The following ZNF805 variants were observed in gnomAD, a reference collection of about 807,000 sequenced individuals.
The protein encoded by ZNF805 is CTC-444N24.8.
ZNF805 carries 7 observed loss-of-function variants against 13.6 expected under a neutral mutation model. The ratio of observed to expected loss-of-function variants is 0.51; its 90% confidence interval spans 0.29 to 0.97. ZNF805 has a LOEUF of 0.97. ZNF805 is among the 50% of genes least tolerant of loss of function. ZNF805 has a pLI of 0.08. For missense variants in ZNF805, 604 were observed against 771.0 expected, an observed-to-expected ratio of 0.78 and a Z score of 2.57; for synonymous variants, 293 against 279.8, an observed-to-expected ratio of 1.05 and a Z score of -0.47.
chr19:57,240,912 C>G lies in ZNF805; in HGVS notation c.21C>G (p.Asp7Glu), dbSNP rs1599982952. The G allele has an allele frequency of 6.4e-7, 1 of 1,558,946 alleles. No homozygotes were observed. The highest frequency in any genetic ancestry group is 2.4e-5 in the East Asian group (1 of 41,180). ...CCGGTATGGCGATGGCTTTGACGGA[C>G]CCGGCGCAGGTGAGTGGACAAGGTT... MAMALT[D>E]PAQVSVTFDD... Residue 7 changes from aspartate to glutamate, a missense_variant, in exon 1 of 4, where the codon GAC becomes GAG. Physicochemically the swap from Asp to Glu is conservative, Grantham distance 45. This residue lies in a region of ZNF805 where 327 missense variants were observed against 378.2 expected (regional missense o/e 0.86). Coordinates refer to ENST00000414468, the MANE Select transcript of ZNF805 (RefSeq NM_001023563.4).
At chr19:57,240,974 T>C (rs1395688011) in intron 1 of ZNF805, 53 bp downstream of exon 1, 41 of 1,542,382 alleles carry the variant, frequency 2.7e-5, no homozygotes, top group Non-Finnish European at 3.5e-5. Flanking sequence ...CGGGGAAGCC[T>C]CCTGGGCAGG....
intron 2 of ZNF805, among the ~76,000 whole-genome samples, chr19:57,245,522 G>A (rs916961165): frequency 3.9e-5 from 6 of 152,106 alleles, no homozygotes; most frequent in African/African-American, 1.2e-4. Context: ...GCTCATGCCT[G>A]TAATCCCAGC....
At chr19:57,248,433 G>T (rs970146991) in intron 2 of ZNF805, among the ~76,000 whole-genome samples, 172 bp from the exon 3 acceptor site, 5 of 152,190 alleles carry the variant, frequency 3.3e-5, no homozygotes, top group African/African-American at 9.7e-5. Context: ...TTCTGTGGCA[G>T]CATGACATGC....
Position 57,260,507 on chromosome 19 carries a change from A to G in ZNF805, c.*5804A>G, listed in dbSNP as rs2087717844. On this transcript the variant is annotated 3_prime_UTR_variant, in exon 4 of 4. Transcript: ENST00000414468. The stretch of plus-strand genomic sequence containing the variant: ...CCCCTCACTCTCTTTTTGGACCTCC[A>G]TACTGCTAAATCTCTGACTTGAAGG... Among the ~76,000 whole-genome samples the G allele has an allele frequency of 6.6e-6, 1 of 152,078 alleles. No individual in the cohort carries two copies. Among genetic ancestry groups the G allele is most frequent in the Admixed American group, 6.6e-5 (1 of 15,258 alleles).
chr19:57,245,685 A>G (rs902979610), intron 2 of ZNF805, among the ~76,000 whole-genome samples: 7 of 151,648 alleles, frequency 4.6e-5, no homozygotes, highest in Non-Finnish European at 8.8e-5. Flanking sequence ...AGGCTGAGGC[A>G]GGAGAATGGC....
rs958548476 is a variant in ZNF805 at position 57,257,418 on chromosome 19, A to G, written c.*2715A>G. ...TAAGTTCTATCAGTTTTTGCTCCAC[A>G]TAATTTAAAGCTCTGTTGTTTGGTA... On this transcript the variant is annotated 3_prime_UTR_variant, in exon 4 of 4. Transcript: ENST00000414468. Among the ~76,000 whole-genome samples, 6 of 152,128 alleles carry G rather than the reference A, an allele frequency of 3.9e-5. No individual in the cohort carries two copies. Among genetic ancestry groups the G allele is most frequent in the Non-Finnish European group, 2.9e-5 (2 of 68,018 alleles).
At chr19:57,240,961 G>T in intron 1 of ZNF805, 40 bp downstream of exon 1, 1 of 1,551,364 alleles carries the variant, frequency 6.4e-7, no homozygotes, top group Non-Finnish European at 8.7e-7. Context: ...TTTTCTGCTA[G>T]TTCGGGGAAG....
rs2087660175 is a variant in ZNF805, at chr19:57,252,939, G to A, written c.254-134G>A. Reference sequence around the variant, plus strand: ...AATAAAAGAAACAAATTATAGATCTGGGGTTCAAGATGGCAAAATATAACA... The same window carrying A: ...AATAAAAGAAACAAATTATAGATCTAGGGTTCAAGATGGCAAAATATAACA... On this transcript the variant is annotated intron_variant, in intron 3 of 3. Transcript: ENST00000414468. The A allele has an allele frequency of 2.0e-5, 14 of 700,122 alleles. No homozygotes were observed. In the South Asian group the frequency reaches 6.6e-4, roughly 33 times the overall value. 43.4% of individuals were successfully genotyped at this position (700,122 alleles called of 1,614,324 possible). A position where few individuals can be genotyped will look rare whatever the true frequency, so the allele number is the denominator to read the frequency against.
At chr19:57,243,881 T>C (rs1479368270) in intron 1 of ZNF805, 42 bp from the exon 2 acceptor site, 7 of 1,613,916 alleles carry the variant, frequency 4.3e-6, no homozygotes, top group Non-Finnish European at 5.1e-6. Flanking sequence ...GCACATGCAA[T>C]AGTCCCACAG....
Position 57,259,672 on chromosome 19 carries a change from A to G in ZNF805, c.*4969A>G, listed in dbSNP as rs1452967202. Reference sequence around the variant, plus strand: ...CAGGTGCCCGCCACCATGCCCGGCTAATTTTTTGTATTTTTAGTAGAGACG... The same window carrying G: ...CAGGTGCCCGCCACCATGCCCGGCTGATTTTTTGTATTTTTAGTAGAGACG... On this transcript the variant is annotated 3_prime_UTR_variant, in exon 4 of 4. Transcript: ENST00000414468. Among the ~76,000 whole-genome samples, 1 of 151,906 alleles carries G rather than the reference A, an allele frequency of 6.6e-6. No homozygotes were observed. The highest frequency in any genetic ancestry group is 1.5e-5 in the Non-Finnish European group (1 of 67,976).
chr19:57,260,785 C>T lies in ZNF805; in HGVS notation c.*6082C>T, dbSNP rs1046257876. ...TTAACCACTGGTCATCCTTCCACAC[C>T]TTTTCTGTATTTGCACTCACTGAGC... On this transcript the variant is annotated 3_prime_UTR_variant, in exon 4 of 4. Transcript: ENST00000414468. Among the ~76,000 whole-genome samples the T allele has an allele frequency of 9.9e-5, 15 of 152,154 alleles. No homozygotes were observed. Among genetic ancestry groups the T allele is most frequent in the African/African-American group, 3.6e-4 (15 of 41,424 alleles).
intron 2 of ZNF805, among the ~76,000 whole-genome samples, chr19:57,246,959 A>G (rs2087622948): frequency 1.3e-5 from 2 of 152,088 alleles, no homozygotes; most frequent in South Asian, 4.1e-4. Flanking sequence ...CTTACTCAGC[A>G]CAGATGAAAC....
Position 57,240,917 on chromosome 19 carries a change from C to G in ZNF805, c.26C>G (p.Ala9Gly). Reference protein sequence around the residue: MAMALTDPAQVSVTFDDVA... With the variant: MAMALTDPGQVSVTFDDVA... ...ATGGCGATGGCTTTGACGGACCCGG[C>G]GCAGGTGAGTGGACAAGGTTTCGGC... is the stretch of plus-strand genomic sequence containing the variant. Residue 9 changes from alanine to glycine, a missense_variant, in exon 1 of 4, where the codon GCG becomes GGG. Ala to Gly is a moderately conservative substitution (Grantham distance 60). Transcript: ENST00000414468. 6.4e-7 allele frequency: 1 copy of G among 1,559,374 alleles called. No homozygotes were observed. The highest frequency in any genetic ancestry group is 8.7e-7 in the Non-Finnish European group (1 of 1,151,986).
At chr19:57,243,784 C>T (rs1472531492) in intron 1 of ZNF805, 139 bp from the exon 2 acceptor site, 2 of 1,194,254 alleles carry the variant, frequency 1.7e-6, no homozygotes, top group Admixed American at 2.1e-5. Context: ...CAATGTCTGC[C>T]TTCCTCCTTC....
chr19:57,254,196 G>A lies in ZNF805; in HGVS notation c.1377G>A (p.Glu459=), dbSNP rs779209427. Residue 459 remains glutamate (E), a synonymous_variant, in exon 4 of 4, where the codon GAG becomes GAA. Coordinates refer to ENST00000414468, the MANE Select transcript of ZNF805 (RefSeq NM_001023563.4). ...GAGAAAAACCTTTCGAGTGCAAAGA[G>A]TGTGGGAAAGCCTTTAGCAATAGGG... The part of the protein sequence containing the change: ...HTGEKPFECK[E]CGKAFSNRAD... 10 of 1,612,536 alleles carry A rather than the reference G, an allele frequency of 6.2e-6. No homozygotes were observed. In the Middle Eastern group the frequency reaches 9.9e-4, roughly 160 times the overall value.
chr19:57,244,199 CTTTTTTTTTTT>C, intron 2 of ZNF805, 150 bp downstream of exon 2: 1 of 290,936 alleles, frequency 3.4e-6, no homozygotes. Flanking sequence ...TCACCTCTTC[CTTTTTTTTTTT>C]TTTTTTTTTT....
In ZNF805 at chr19:57,262,509, C is replaced by G. The variant is rs2087730783; in HGVS notation, c.*7806C>G. 6.0e-6 allele frequency: 1 copy of G among 167,176 alleles called. No individual in the cohort carries two copies. The highest frequency in any genetic ancestry group is 1.5e-5 in the Non-Finnish European group (1 of 68,110). 10.4% of individuals were successfully genotyped at this position (167,176 alleles called of 1,614,324 possible). On this transcript the variant is annotated 3_prime_UTR_variant, in exon 4 of 4. Transcript: ENST00000414468. ...CTTCAAGTGGTTTGATTTGCAGATA[C>G]ACCCTTTCTTGGCCTTTATTTCGGC...
intron 2 of ZNF805, among the ~76,000 whole-genome samples, chr19:57,246,153 C>G (rs2087617137): frequency 6.6e-6 from 1 of 152,166 alleles, no homozygotes; most frequent in South Asian, 2.1e-4. Context: ...GAACAAGCAG[C>G]ATGAGCTCAC....
At chr19:57,245,746 T>A (rs184643778) in intron 2 of ZNF805, among the ~76,000 whole-genome samples, 1 of 150,342 alleles carries the variant, frequency 6.7e-6, no homozygotes, top group East Asian at 2.0e-4. Context: ...ACCACTGCAC[T>A]CCAGCCTGGG....
Sources: allele counts gnomAD v4.1 joint callset (sites outside exome capture counted in the v4.1 genomes callset), GRCh38; gene constraint gnomAD v4.1.1; regional missense constraint gnomAD v4.1.1; transcripts MANE v1.5; gene names NCBI Gene and HGNC (gene_info 2026-07-23, HGNC 2026-07-21).